LHFPL3: variants seen among roughly 807,000 people sequenced by gnomAD.
The protein encoded by LHFPL3 is LHFPL tetraspan subfamily member 3, also known as LHFPL tetraspan subfamily member 3 protein.
LHFPL3 carries 5 observed loss-of-function variants against 19.3 expected under a neutral mutation model. That is an observed-to-expected ratio of 0.26 (90% CI 0.14 to 0.54). The LOEUF (loss-of-function observed/expected upper bound fraction) is 0.54, where lower values mean the gene tolerates loss of function less well. Among genes scored for constraint, LHFPL3 ranks in the 20% least tolerant of loss-of-function variants. The pLI, the probability that LHFPL3 is intolerant of heterozygous loss-of-function variation, is 0.94. For missense variants in LHFPL3, 249 were observed against 307.4 expected (o/e 0.81, Z 1.42); for synonymous variants, 133 against 126.2 (o/e 1.05, Z -0.36).
chr7:104,587,239 A>T (rs1472431456), intron 1 of LHFPL3, among the ~76,000 whole-genome samples: 2 of 152,166 alleles, frequency 1.3e-5, no homozygotes, highest in Admixed American at 6.6e-5. Context: ...CATTTACATT[A>T]GGTGTATCTC....
intron 2 of LHFPL3, among the ~76,000 whole-genome samples, chr7:104,764,068 C>A (rs911404563): frequency 7.2e-5 from 11 of 152,150 alleles, no homozygotes; most frequent in Non-Finnish European, 1.6e-4. Flanking sequence ...AGAAGCAGTA[C>A]CCACTTTCTC....
At chr7:104,597,331 C>T (rs1272632510) in intron 1 of LHFPL3, among the ~76,000 whole-genome samples, 2 of 152,106 alleles carry the variant, frequency 1.3e-5, no homozygotes, top group Non-Finnish European at 2.9e-5. Flanking sequence ...AAAAAATAAA[C>T]TTTCCATTTT....
chr7:104,681,963 C>T (rs917829141), intron 1 of LHFPL3, among the ~76,000 whole-genome samples: 6 of 152,176 alleles, frequency 3.9e-5, no homozygotes, highest in Non-Finnish European at 5.9e-5. Flanking sequence ...TTTGGAGATA[C>T]TGTGTACAAA....
intron 1 of LHFPL3, among the ~76,000 whole-genome samples, chr7:104,646,770 A>C (rs562616063): frequency 1.6e-4 from 25 of 152,362 alleles, no homozygotes; most frequent in Non-Finnish European, 3.2e-4. Context: ...AGAATACAGA[A>C]ATGAAACTTG....
chr7:104,529,284 C>T (rs1420917819), intron 1 of LHFPL3, among the ~76,000 whole-genome samples: 1 of 152,188 alleles, frequency 6.6e-6, no homozygotes, highest in Non-Finnish European at 1.5e-5. Flanking sequence ...ACACCTCAAA[C>T]ACCAGATTTC....
At chr7:104,681,661 C>T (rs559789870) in intron 1 of LHFPL3, among the ~76,000 whole-genome samples, 1 of 151,762 alleles carries the variant, frequency 6.6e-6, no homozygotes, top group Non-Finnish European at 1.5e-5. Context: ...AGGAAGGGTA[C>T]ATTATCAAAT....
chr7:104,537,464 C>T (rs1224387730), intron 1 of LHFPL3, among the ~76,000 whole-genome samples: 1 of 152,132 alleles, frequency 6.6e-6, no homozygotes, highest in African/African-American at 2.4e-5. Context: ...TTTACCCCTT[C>T]TACTCAATTA....
At chr7:104,629,611 C>A (rs1791605172) in intron 1 of LHFPL3, among the ~76,000 whole-genome samples, 1 of 152,176 alleles carries the variant, frequency 6.6e-6, no homozygotes, top group Non-Finnish European at 1.5e-5. Context: ...CTACACCAAG[C>A]CTGGCTTCAG....
chr7:104,373,366 C>T (rs766018215), intron 1 of LHFPL3, among the ~76,000 whole-genome samples: 6 of 152,134 alleles, frequency 3.9e-5, no homozygotes, highest in Non-Finnish European at 7.4e-5. Context: ...GTTGGATGAA[C>T]TTAGGAAACA....
chr7:104,687,457 T>G (rs1257771850), intron 1 of LHFPL3, among the ~76,000 whole-genome samples: 1 of 152,220 alleles, frequency 6.6e-6, no homozygotes, highest in African/African-American at 2.4e-5. Context: ...CTCTCTCCCC[T>G]CTGGAGGTAG....
At chr7:104,731,903 T>C (rs1201238852) in intron 1 of LHFPL3, among the ~76,000 whole-genome samples, 1 of 152,224 alleles carries the variant, frequency 6.6e-6, no homozygotes, top group Non-Finnish European at 1.5e-5. Context: ...GTCTCATTAA[T>C]ACCTAATTTA....
chr7:104,427,510 G>T (rs1246813504), intron 1 of LHFPL3, among the ~76,000 whole-genome samples: 5 of 152,162 alleles, frequency 3.3e-5, no homozygotes, highest in African/African-American at 4.8e-5. Context: ...GGCTGATAGG[G>T]TTTTTGCTTG....
intron 1 of LHFPL3, among the ~76,000 whole-genome samples, chr7:104,349,017 C>T (rs1006186098): frequency 6.6e-6 from 1 of 152,048 alleles, no homozygotes; most frequent in Non-Finnish European, 1.5e-5. Flanking sequence ...TCCTTCTATC[C>T]TCCTCCCTCT....
intron 2 of LHFPL3, among the ~76,000 whole-genome samples, chr7:104,897,065 G>A (rs2116718810): frequency 6.6e-6 from 1 of 150,800 alleles, no homozygotes; most frequent in South Asian, 2.1e-4. Flanking sequence ...CAGCCCAGGT[G>A]ACAGAGTGAG....
chr7:104,747,343 T>C lies in LHFPL3; in HGVS notation c.682+10432T>C, dbSNP rs535440595. Among the ~76,000 whole-genome samples, 8 of 151,852 alleles carry C rather than the reference T, an allele frequency of 5.3e-5. No individual in the cohort carries two copies. In the South Asian group the frequency reaches 1.7e-3, roughly 31 times the overall value. On this transcript the variant is annotated intron_variant, in intron 2 of 2. Coordinates refer to ENST00000424859, the MANE Select transcript of LHFPL3 (RefSeq NM_199000.3). ...GAGGAACAAAGCCAAGCCTTAAAAA[T>C]GTCTATGTGAATTTGGGATGAGGTG...
chr7:104,751,089 G>T (rs1367546661), intron 2 of LHFPL3, among the ~76,000 whole-genome samples: 16 of 127,954 alleles, frequency 1.3e-4, no homozygotes, highest in South Asian at 3.2e-4. Context: ...AACAACTTCT[G>T]TTATTGCTTG....
At chr7:104,367,387 T>C (rs975922761) in intron 1 of LHFPL3, among the ~76,000 whole-genome samples, 2 of 152,248 alleles carry the variant, frequency 1.3e-5, no homozygotes, top group Admixed American at 6.5e-5. Context: ...GTAACCTATG[T>C]CGTCAACATC....
chr7:104,369,904 A>G (rs1051834484), intron 1 of LHFPL3, among the ~76,000 whole-genome samples: 4 of 152,240 alleles, frequency 2.6e-5, no homozygotes, highest in Non-Finnish European at 5.9e-5. Context: ...TTCTAAATAT[A>G]AGTCATTTAT....
At chr7:104,410,273 C>T (rs542423319) in intron 1 of LHFPL3, among the ~76,000 whole-genome samples, 3 of 152,270 alleles carry the variant, frequency 2.0e-5, no homozygotes, top group Admixed American at 1.3e-4. Context: ...GCTGGGATTA[C>T]AAGCGCCTGC....
Sources: allele counts gnomAD v4.1 joint callset (sites outside exome capture counted in the v4.1 genomes callset), GRCh38; gene constraint gnomAD v4.1.1; transcripts MANE v1.5; gene names NCBI Gene and HGNC (gene_info 2026-07-23, HGNC 2026-07-21).